Variants in RMDN2 observed in about 807,000 individuals in gnomAD.
RMDN2 encodes regulator of microtubule dynamics protein 2.
A neutral mutation model predicts 52.8 loss-of-function variants in RMDN2; 61 were observed. That is an observed-to-expected ratio of 1.16 (90% CI 0.94 to 1.43). RMDN2 has a LOEUF of 1.43. Among genes scored for constraint, RMDN2 ranks in the 40% most tolerant of loss-of-function variants. The pLI is 0.00. For missense variants in RMDN2, 592 were observed against 475.3 expected (o/e 1.25, Z -2.28); for synonymous variants, 180 against 153.1 (o/e 1.18, Z -1.30).
chr2:37,955,511 A>G (rs1210063159), intron 2 of RMDN2, among the ~76,000 whole-genome samples: 2 of 151,982 alleles, frequency 1.3e-5, no homozygotes, highest in African/African-American at 2.4e-5. Context: ...CTGTGTCCCC[A>G]CCCAAATCTC....
intron 2 of RMDN2, among the ~76,000 whole-genome samples, chr2:37,962,858 G>A (rs1670443640): frequency 6.6e-6 from 1 of 152,186 alleles, no homozygotes; most frequent in East Asian, 1.9e-4. Context: ...CTCGCGGTCT[G>A]CGGGTTGCAA....
At chr2:38,059,051 A>T (rs1033709999) in intron 10 of RMDN2, among the ~76,000 whole-genome samples, 1 of 152,332 alleles carries the variant, frequency 6.6e-6, no homozygotes, top group African/African-American at 2.4e-5. Context: ...CGTCCAATAA[A>T]TTGAAATGGG....
At chr2:38,056,424 C>A (rs985656448) in intron 10 of RMDN2, among the ~76,000 whole-genome samples, 4 of 152,194 alleles carry the variant, frequency 2.6e-5, no homozygotes, top group African/African-American at 9.7e-5. Flanking sequence ...TGTGTCTCCT[C>A]AAACAGGAAA....
intron 10 of RMDN2, among the ~76,000 whole-genome samples, chr2:38,005,337 A>G (rs1676929557): frequency 6.6e-6 from 1 of 152,212 alleles, no homozygotes; most frequent in Admixed American, 6.5e-5. Context: ...AAGTGTTCCT[A>G]TTTCTCCACA....
chr2:37,995,851 C>A (rs886332224), intron 7 of RMDN2, among the ~76,000 whole-genome samples: 1 of 152,084 alleles, frequency 6.6e-6, no homozygotes, highest in African/African-American at 2.4e-5. Flanking sequence ...ATAATGAAAA[C>A]CCCAAGTAGA....
At chr2:37,962,625 G>A (rs1370562686) in intron 2 of RMDN2, among the ~76,000 whole-genome samples, 1 of 152,150 alleles carries the variant, frequency 6.6e-6, no homozygotes, top group Non-Finnish European at 1.5e-5. Context: ...AGCTTGCTGG[G>A]CTCCATGGGG....
chr2:37,979,025 G>C (rs1672954624), intron 4 of RMDN2, among the ~76,000 whole-genome samples: 1 of 152,040 alleles, frequency 6.6e-6, no homozygotes, highest in South Asian at 2.1e-4. Flanking sequence ...GGGAATTCAG[G>C]GGCTAAAATG....
intron 1 of RMDN2, among the ~76,000 whole-genome samples, chr2:37,927,687 CAAAA>C (rs1251088791): frequency 6.6e-6 from 1 of 152,086 alleles, no homozygotes; most frequent in Non-Finnish European, 1.5e-5. Flanking sequence ...ATTTTATTGA[CAAAA>C]ATAAAGATGA....
At chr2:37,972,082 T>C (rs1671881597) in intron 2 of RMDN2, among the ~76,000 whole-genome samples, 1 of 152,206 alleles carries the variant, frequency 6.6e-6, no homozygotes, top group African/African-American at 2.4e-5. Flanking sequence ...GTTAGATTTA[T>C]TCCTAGCCAT....
chr2:37,995,359 A>ACTACTG (rs1206267131), intron 7 of RMDN2, among the ~76,000 whole-genome samples: 1 of 150,604 alleles, frequency 6.6e-6, no homozygotes, highest in African/African-American at 2.5e-5. Flanking sequence ...TACTACTACT[A>ACTACTG]CTACTACACA....
chr2:38,062,244 C>T (rs557210416), intron 10 of RMDN2, among the ~76,000 whole-genome samples: 1 of 152,326 alleles, frequency 6.6e-6, no homozygotes, highest in East Asian at 1.9e-4. Flanking sequence ...TCCCCTTTAA[C>T]CCTCGACAAC....
At chr2:38,009,077 G>C (rs1677549163) in intron 10 of RMDN2, among the ~76,000 whole-genome samples, 2 of 152,236 alleles carry the variant, frequency 1.3e-5, no homozygotes, top group African/African-American at 4.8e-5. Flanking sequence ...GAGATCAGCT[G>C]TTAGTCTGAT....
intron 4 of RMDN2, among the ~76,000 whole-genome samples, chr2:37,975,579 G>A (rs1672363183): frequency 6.6e-6 from 1 of 152,118 alleles, no homozygotes; most frequent in Non-Finnish European, 1.5e-5. Context: ...CTAGGGGAGG[G>A]ATAGCATTAG....
chr2:37,940,919 A>T (rs372254756), intron 2 of RMDN2, among the ~76,000 whole-genome samples: 13 of 152,218 alleles, frequency 8.5e-5, no homozygotes, highest in African/African-American at 2.6e-4. Context: ...TTCTCTGTCC[A>T]GTTTTGTTCC....
rs148439493 is a variant in RMDN2 at position 37,997,662 on chromosome 2, G to A, written c.1044+148G>A. 1.6e-3 allele frequency: 970 copies of A among 611,540 alleles called. 14 individuals carry two copies. The East Asian group carries it at 0.023, about 14-fold the overall frequency. The allele number at this position is 611,540 out of a possible 1,614,324, so 37.9% of individuals were successfully genotyped here. A position where few individuals can be genotyped will look rare whatever the true frequency, so the allele number is the denominator to read the frequency against. On this transcript the variant is annotated intron_variant, in intron 8 of 10. Coordinates refer to ENST00000354545, the MANE Select transcript of RMDN2 (RefSeq NM_001170791.3). ...TGTTCTGTTTTAAGCCCCTCATAATGCAAGTTATTAATATGTTTTAAGTCT... is the reference window on the plus strand; with the variant it reads ...TGTTCTGTTTTAAGCCCCTCATAATACAAGTTATTAATATGTTTTAAGTCT...
chr2:37,955,543 A>C (rs1669337362), intron 2 of RMDN2, among the ~76,000 whole-genome samples: 1 of 152,102 alleles, frequency 6.6e-6, no homozygotes, highest in Non-Finnish European at 1.5e-5. Context: ...TATCTCCCAG[A>C]ATTCCCACAT....
intron 10 of RMDN2, among the ~76,000 whole-genome samples, chr2:38,050,868 C>G (rs1249241911): frequency 6.6e-6 from 1 of 152,196 alleles, no homozygotes; most frequent in Non-Finnish European, 1.5e-5. Flanking sequence ...AAGCAGTTCT[C>G]TCACCTCAGC....
intron 2 of RMDN2, among the ~76,000 whole-genome samples, chr2:37,965,449 A>G (rs1419244300): frequency 6.6e-6 from 1 of 151,934 alleles, no homozygotes; most frequent in Non-Finnish European, 1.5e-5. Context: ...TTATAACAAC[A>G]TATTTTAAAT....
At chr2:37,937,764 G>C (rs776960043) in intron 2 of RMDN2, among the ~76,000 whole-genome samples, 25 of 152,170 alleles carry the variant, frequency 1.6e-4, no homozygotes, top group Admixed American at 2.6e-4. Flanking sequence ...TGCTGAAGTT[G>C]CTTATCAGCT....
Sources: allele counts gnomAD v4.1 joint callset (sites outside exome capture counted in the v4.1 genomes callset), GRCh38; gene constraint gnomAD v4.1.1; transcripts MANE v1.5; gene names NCBI Gene and HGNC (gene_info 2026-07-23, HGNC 2026-07-21).